Variants in PTPRE observed in about 807,000 individuals in gnomAD.
PTPRE encodes protein tyrosine phosphatase receptor type E, also known as receptor-type tyrosine-protein phosphatase epsilon.
A neutral mutation model predicts 102.0 loss-of-function variants in PTPRE; 51 were observed. The observed-to-expected ratio is 0.50, with a 90% CI of 0.40 to 0.63. PTPRE has a LOEUF of 0.63. Ranked by LOEUF, PTPRE falls within the 30% of genes least tolerant of loss-of-function variation. The pLI is 0.00. For missense variants in PTPRE, 752 were observed against 915.1 expected, an observed-to-expected ratio of 0.82 and a Z score of 2.30; for synonymous variants, 345 against 348.2, an observed-to-expected ratio of 0.99 and a Z score of 0.10.
At chr10:128,051,006 T>G (rs1055232509) in intron 6 of PTPRE, among the ~76,000 whole-genome samples, 18 of 152,224 alleles carry the variant, frequency 1.2e-4, no homozygotes, top group Non-Finnish European at 1.2e-4. Context: ...TGTCCCCTTT[T>G]TTGGAGAAAT....
chr10:127,935,851 A>G (rs1365982656), intron 1 of PTPRE: 1 of 152,350 alleles, frequency 6.6e-6, no homozygotes, highest in East Asian at 1.9e-4. Flanking sequence ...AAAGGGGTCA[A>G]ACATTTAGAC....
rs138522764 is a variant in PTPRE, at chr10:128,067,640, A to G, written c.844-483A>G. ...AATTAAACTCATGGGCTCTGGGTCC[A>G]AAAGCTGAGAGAGGCTCTGAGGGCA... On this transcript the variant is annotated intron_variant, in intron 11 of 20. Coordinates refer to ENST00000254667, the MANE Select transcript of PTPRE (RefSeq NM_006504.6). 3.1e-3 allele frequency among the ~76,000 whole-genome samples: 478 copies of G among 152,360 alleles called. 8 individuals carry two copies. The highest frequency in any genetic ancestry group is 0.011 in the African/African-American group (467 of 41,588).
rs1332341487 is a variant in PTPRE, at chr10:127,966,816, A to G, written c.-30-15458A>G. On this transcript the variant is annotated intron_variant, in intron 1 of 20. Coordinates refer to ENST00000254667, the MANE Select transcript of PTPRE (RefSeq NM_006504.6). Reference sequence around the variant, plus strand: ...ATTTTTTGACCACGACACCTTTGTCATGGCCATGAAGAGCAGTCCCTCCTG... The same window carrying G: ...ATTTTTTGACCACGACACCTTTGTCGTGGCCATGAAGAGCAGTCCCTCCTG... Among the ~76,000 whole-genome samples the G allele has an allele frequency of 3.3e-5, 5 of 152,318 alleles. No homozygotes were observed. In the East Asian group the frequency reaches 9.7e-4, roughly 29 times the overall value.
intron 2 of PTPRE, among the ~76,000 whole-genome samples, chr10:128,006,560 C>G (rs768675338): frequency 6.6e-6 from 1 of 152,138 alleles, no homozygotes; most frequent in Non-Finnish European, 1.5e-5. Flanking sequence ...ACTATACTTA[C>G]GCTATGTTGA....
intron 3 of PTPRE, among the ~76,000 whole-genome samples, chr10:128,043,991 G>A (rs1847906314): frequency 2.0e-5 from 3 of 152,092 alleles, no homozygotes. Flanking sequence ...TTCTTTCTTA[G>A]TGGTTCTTAA....
chr10:128,022,258 G>A (rs998050937), intron 2 of PTPRE, among the ~76,000 whole-genome samples: 10 of 152,142 alleles, frequency 6.6e-5, no homozygotes, highest in East Asian at 1.9e-4. Context: ...CTGGCACCCC[G>A]CTCCCTGAGA....
chr10:128,014,118 G>T (rs1845237669), intron 2 of PTPRE, among the ~76,000 whole-genome samples: 1 of 152,136 alleles, frequency 6.6e-6, no homozygotes, highest in Non-Finnish European at 1.5e-5. Flanking sequence ...AGACTGGCTG[G>T]CAAAGCAGGA....
intron 2 of PTPRE, 142 bp from the exon 3 acceptor site, chr10:128,040,733 C>A: frequency 1.6e-6 from 1 of 632,854 alleles, no homozygotes. Context: ...TGAGATGATC[C>A]GTGAAAGTGA....
In PTPRE at chr10:128,022,509, C is replaced by A. The variant is rs186215218; in HGVS notation, c.-7-18366C>A. Among the ~76,000 whole-genome samples the A allele has an allele frequency of 1.6e-3, 244 of 152,308 alleles. 3 individuals are homozygous for A. Among genetic ancestry groups the A allele is most frequent in the Middle Eastern group, 3.4e-3 (1 of 294 alleles). On this transcript the variant is annotated intron_variant, in intron 2 of 20. Coordinates refer to ENST00000254667, the MANE Select transcript of PTPRE (RefSeq NM_006504.6). ...CCTGGCCTGCCCCGTGCTGACTCCC[C>A]CAGTGAGAGGGAGGCACACACCTCC...
intron 1 of PTPRE, among the ~76,000 whole-genome samples, chr10:127,917,654 G>T (rs1846302517): frequency 6.6e-6 from 1 of 152,086 alleles, no homozygotes; most frequent in Non-Finnish European, 1.5e-5. Flanking sequence ...GACAGAGCGA[G>T]AACCTGTCTC....
intron 2 of PTPRE, among the ~76,000 whole-genome samples, chr10:128,031,768 G>A (rs1846777294): frequency 6.6e-6 from 1 of 152,170 alleles, no homozygotes; most frequent in South Asian, 2.1e-4. Context: ...TGAGTAAGGG[G>A]AGAATCAATA....
chr10:128,027,130 G>A (rs1846343775), intron 2 of PTPRE, among the ~76,000 whole-genome samples: 1 of 152,240 alleles, frequency 6.6e-6, no homozygotes. Flanking sequence ...GAGGGTATTA[G>A]CAGGCAATGA....
chr10:128,019,058 C>T (rs1845653939), intron 2 of PTPRE, among the ~76,000 whole-genome samples: 1 of 152,224 alleles, frequency 6.6e-6, no homozygotes, highest in African/African-American at 2.4e-5. Flanking sequence ...TCTAATAGGT[C>T]ATAAGCTAAG....
chr10:128,058,370 C>T (rs1849197677), intron 7 of PTPRE, among the ~76,000 whole-genome samples: 1 of 152,250 alleles, frequency 6.6e-6, no homozygotes, highest in Non-Finnish European at 1.5e-5. Flanking sequence ...TCCTCCAAGC[C>T]TGAAAGTGTA....
intron 3 of PTPRE, among the ~76,000 whole-genome samples, chr10:128,044,118 G>A (rs1405463940): frequency 2.0e-5 from 3 of 152,284 alleles, no homozygotes; most frequent in South Asian, 4.1e-4. Flanking sequence ...GAAAATGTCA[G>A]GAAAGATACG....
At chr10:128,021,490 C>A (rs1845882475) in intron 2 of PTPRE, among the ~76,000 whole-genome samples, 1 of 152,240 alleles carries the variant, frequency 6.6e-6, no homozygotes, top group Non-Finnish European at 1.5e-5. Context: ...CCTTCAGCAT[C>A]CAGGCCCTCG....
intron 2 of PTPRE, among the ~76,000 whole-genome samples, chr10:127,988,648 TG>T (rs1460271052): frequency 1.3e-5 from 2 of 151,952 alleles, no homozygotes; most frequent in Non-Finnish European, 2.9e-5. Flanking sequence ...AACATAAAGA[TG>T]GAAACAACAG....
chr10:128,031,908 G>A (rs1846790361), intron 2 of PTPRE, among the ~76,000 whole-genome samples: 3 of 152,110 alleles, frequency 2.0e-5, no homozygotes, highest in Non-Finnish European at 2.9e-5. Context: ...TCTCCAGGGG[G>A]CCGTATTTCC....
At chr10:128,074,666 CAA>C (rs34362431) in intron 17 of PTPRE, among the ~76,000 whole-genome samples, 22,816 of 133,248 alleles carry the variant, frequency 0.17, 1,970 homozygotes, top group East Asian at 0.28. Context: ...GACTCTGTCT[CAA>C]AAAAAAAAAA....
Sources: allele counts gnomAD v4.1 joint callset (sites outside exome capture counted in the v4.1 genomes callset), GRCh38; gene constraint gnomAD v4.1.1; transcripts MANE v1.5; gene names NCBI Gene and HGNC (gene_info 2026-07-23, HGNC 2026-07-21).